The following SEPTIN12 variants were observed in gnomAD, a reference collection of about 807,000 sequenced individuals.
SEPTIN12 encodes septin-12.
A neutral mutation model predicts 37.7 loss-of-function variants in SEPTIN12; 42 were observed. The observed-to-expected ratio is 1.11, with a 90% CI of 0.87 to 1.44. SEPTIN12 has a LOEUF of 1.44. Among genes scored for constraint, SEPTIN12 ranks in the 40% most tolerant of loss-of-function variants. SEPTIN12 has a pLI of 0.00. For missense variants in SEPTIN12, 613 were observed against 479.2 expected (o/e 1.28, Z -2.61); for synonymous variants, 254 against 196.7 (o/e 1.29, Z -2.44).
chr16:4,791,267 T>C (rs551628249), upstream of SEPTIN12, among the ~76,000 whole-genome samples: 1 of 152,158 alleles, frequency 6.6e-6, no homozygotes, highest in African/African-American at 2.4e-5. Context: ...ATCTGGAAGG[T>C]GCTCCCGGTG....
At chr16:4,780,596 T>C (rs762611654) in intron 7 of SEPTIN12, among the ~76,000 whole-genome samples, 23 of 152,184 alleles carry the variant, frequency 1.5e-4, no homozygotes, top group Non-Finnish European at 2.9e-5. Context: ...TACTTGCTCA[T>C]GGCCAGAAGC....
rs570272452 is a variant in SEPTIN12, at chr16:4,784,613, T to A, written c.375-545A>T. ...GGGGAAACGCCAACTCTACAAAAAA[T>A]ACACAAATTAGCTCGGTGGGGTGGC... On this transcript the variant is annotated intron_variant, in intron 4 of 9. Transcript: ENST00000268231. 1.3e-4 allele frequency among the ~76,000 whole-genome samples: 19 copies of A among 150,208 alleles called. No individual in the cohort carries two copies. The East Asian group carries it at 3.8e-3, about 30-fold the overall frequency.
In SEPTIN12 at chr16:4,785,983, G is replaced by A. The variant is rs372017995; in HGVS notation, c.289C>T (p.His97Tyr). 6.2e-7 allele frequency: 1 copy of A among 1,612,972 alleles called. No homozygotes were observed. Among genetic ancestry groups the A allele is most frequent in the South Asian group, 1.1e-5 (1 of 90,986 alleles). The change falls in exon 3 of 10, where the codon CAT (histidine) becomes TAT (tyrosine). Residue 97 changes from histidine to tyrosine, a missense_variant. His to Tyr is a moderately conservative substitution (Grantham distance 83). Transcript: ENST00000268231. ...GTGTGGGCAGGGGCTCACTCACCATGGGTCAGTGAATGCAGCTGCAGCGTC... is the reference window on the plus strand; with the variant it reads ...GTGTGGGCAGGGGCTCACTCACCATAGGTCAGTGAATGCAGCTGCAGCGTC... ...PQTLQLHSLT[H>Y]VIEEKGVKLK... is the part of the protein sequence containing the mutation.
rs1211202862 is a variant in SEPTIN12 at position 4,778,107 on chromosome 16, A to G, written c.854T>C (p.Leu285Pro). ...TCACCGGATAAGCAGGTCTCTCAGG[A>G]GAGGAAATTCACAGTGCGCCATGTT... ...VENMAHCEFP[L>P]LRDLLIRSHL... The change falls in exon 9 of 10, where the codon CTC becomes CCC. Residue 285 changes from leucine (L) to proline (P), a missense_variant. By Grantham distance (98) the Leu-to-Pro change is moderately conservative. Coordinates refer to ENST00000268231, the MANE Select transcript of SEPTIN12 (RefSeq NM_144605.5). The G allele has an allele frequency of 6.2e-7, 1 of 1,614,082 alleles. No individual in the cohort carries two copies. Among genetic ancestry groups the G allele is most frequent in the Non-Finnish European group, 8.5e-7 (1 of 1,180,014 alleles).
At chr16:4,780,403 A>C (rs1237287982) in intron 7 of SEPTIN12, among the ~76,000 whole-genome samples, 9 of 152,052 alleles carry the variant, frequency 5.9e-5, no homozygotes, top group Non-Finnish European at 1.0e-4. Context: ...GTCTTCCTAT[A>C]TATAAAGTTT....
chr16:4,781,292 AC>A (rs1349001366), intron 7 of SEPTIN12, among the ~76,000 whole-genome samples: 19 of 151,808 alleles, frequency 1.3e-4, no homozygotes, highest in African/African-American at 7.3e-5. Flanking sequence ...CATAAAAAAA[AC>A]AACATTAAAA....
chr16:4,777,666 G>T lies in SEPTIN12; in HGVS notation c.*131C>A. 1.4e-6 allele frequency: 1 copy of T among 703,588 alleles called. No individual in the cohort carries two copies. Among genetic ancestry groups the T allele is most frequent in the Non-Finnish European group, 2.3e-6 (1 of 427,058 alleles). 43.6% of individuals were successfully genotyped at this position (703,588 alleles called of 1,614,324 possible). On this transcript the variant is annotated 3_prime_UTR_variant, in exon 10 of 10. Transcript: ENST00000268231. ...AGCTCAAAGAAGTCATTTACAAAAT[G>T]CCTTTTGTTTTCAAAGCACAGCTTT...
intron 1 of SEPTIN12, chr16:4,788,056 C>T (rs1237628475): frequency 2.9e-5 from 5 of 174,112 alleles, no homozygotes; most frequent in South Asian, 1.3e-4. Context: ...AAGTGGCTCC[C>T]GTCCCAGCAG....
intron 4 of SEPTIN12, chr16:4,784,288 G>C (rs572394256): frequency 1.3e-4 from 76 of 570,548 alleles, no homozygotes; most frequent in African/African-American, 1.3e-3. Flanking sequence ...CTGTAAAATG[G>C]AGACAATAGT....
At chr16:4,780,615 A>C (rs890449899) in intron 7 of SEPTIN12, among the ~76,000 whole-genome samples, 4 of 152,184 alleles carry the variant, frequency 2.6e-5, no homozygotes, top group African/African-American at 9.7e-5. Flanking sequence ...GCAGAAATTC[A>C]AACTTGCAAA....
At chr16:4,783,224 A>T (rs1330636387) in intron 7 of SEPTIN12, 3 of 541,512 alleles carry the variant, frequency 5.5e-6, no homozygotes, top group African/African-American at 3.8e-5. Context: ...TTCTCTATAT[A>T]TTCAGGATAC....
At chr16:4,778,047 C>G in intron 9 of SEPTIN12, 39 bp downstream of exon 9, 1 of 1,613,222 alleles carries the variant, frequency 6.2e-7, no homozygotes, top group African/African-American at 1.3e-5. Flanking sequence ...CCCAGGGCCC[C>G]TCGCCAGCCC....
intron 5 of SEPTIN12, 43 bp downstream of exon 5, chr16:4,783,888 C>A (rs1305706498): frequency 4.3e-6 from 7 of 1,612,712 alleles, no homozygotes; most frequent in African/African-American, 1.3e-5. Context: ...CTCCTCCCTG[C>A]CCCGTGCAGG....
At position 4,783,720 on chromosome 16, in the gene SEPTIN12, C is replaced by A; in HGVS notation, c.559G>T (p.Val187Leu). 1 of 1,614,076 alleles carries A rather than the reference C, an allele frequency of 6.2e-7. No individual in the cohort carries two copies. ...CTGGCAATCACGGGCACCACATTCA[C>A]AGTCCGGCACAGCCGCTGCAGGAAC... is the stretch of plus-strand genomic sequence containing the variant. ...IEFLQRLCRT[V>L]NVVPVIARAD... Residue 187 changes from valine to leucine, a missense_variant, in exon 6 of 10, where the codon GTG becomes TTG. Val to Leu is a conservative substitution (Grantham distance 32). Coordinates refer to ENST00000268231, the MANE Select transcript of SEPTIN12 (RefSeq NM_144605.5).
At chr16:4,786,852 T>C (rs2082459513) in intron 2 of SEPTIN12, among the ~76,000 whole-genome samples, 1 of 151,936 alleles carries the variant, frequency 6.6e-6, no homozygotes, top group Non-Finnish European at 1.5e-5. Flanking sequence ...CTTGCTGTGT[T>C]GCCTAGGCTG....
intron 2 of SEPTIN12, 21 bp downstream of exon 2, chr16:4,787,459 T>G: frequency 6.2e-7 from 1 of 1,610,194 alleles, no homozygotes; most frequent in Non-Finnish European, 8.5e-7. Context: ...TGTCCTGCCG[T>G]GGGCCCTACC....
In SEPTIN12 at chr16:4,779,724, G is replaced by T. The variant is rs1389611214; in HGVS notation, c.789C>A (p.Val263=). 6.2e-7 allele frequency: 1 copy of T among 1,613,680 alleles called. No individual in the cohort carries two copies. Among genetic ancestry groups the T allele is most frequent in the African/African-American group, 1.3e-5 (1 of 74,890 alleles). ...DQEHLVNGRC[V]LGRKTKWGII... ...TGCCCCACTTGGTCTTCCGGCCCAG[G>T]ACACACCTCCCGTTCACCAGGTGCT... Residue 263 remains valine, a synonymous_variant, in exon 8 of 10, where the codon GTC becomes GTA. Transcript: ENST00000268231.
chr16:4,786,082 T>C lies in SEPTIN12; in HGVS notation c.190A>G (p.Thr64Ala), dbSNP rs774538176. 1 of 1,612,620 alleles carries C rather than the reference T, an allele frequency of 6.2e-7. No homozygotes were observed. Among genetic ancestry groups the C allele is most frequent in the Non-Finnish European group, 8.5e-7 (1 of 1,179,020 alleles). Reference protein sequence around the residue: ...VVGQSGLGKSTMVNTLFKSKV... With the variant: ...VVGQSGLGKSAMVNTLFKSKV... ...GACTTGAACAGCGTGTTCACCATCG[T>C]GGACTTGCCCAGCCCGCTTTGCCCT... Residue 64 changes from threonine to alanine, a missense_variant, in exon 3 of 10, where the codon ACG becomes GCG. Coordinates refer to ENST00000268231, the MANE Select transcript of SEPTIN12 (RefSeq NM_144605.5).
At chr16:4,789,586 A>G (rs777768597), upstream of SEPTIN12, among the ~76,000 whole-genome samples, 1 of 152,106 alleles carries the variant, frequency 6.6e-6, no homozygotes, top group Non-Finnish European at 1.5e-5. Context: ...TCGGCCTCCC[A>G]AAGTGCTGGG....
Sources: allele counts gnomAD v4.1 joint callset (sites outside exome capture counted in the v4.1 genomes callset), GRCh38; gene constraint gnomAD v4.1.1; transcripts MANE v1.5; gene names NCBI Gene and HGNC (gene_info 2026-07-23, HGNC 2026-07-21).